Variants in ZNF721 observed in about 807,000 individuals in gnomAD.
ZNF721 encodes the protein zinc finger protein 721.
A neutral mutation model predicts 2.4 loss-of-function variants in ZNF721; 2 were observed. The ratio of observed to expected loss-of-function variants is 0.82; its 90% CI spans 0.34 to 2.58. The LOEUF (loss-of-function observed/expected upper bound fraction) is 2.58. Among genes scored for constraint, ZNF721 ranks in the 30% most tolerant of loss-of-function variants. The pLI, the probability that ZNF721 is intolerant of heterozygous loss-of-function variation, is 0.11. For missense variants in ZNF721, 1,187 were observed against 1,085.5 expected (o/e 1.09, Z -1.31); for synonymous variants, 398 against 381.8 (o/e 1.04, Z -0.50).
Position 441,642 on chromosome 4 carries a change from TTC to T in ZNF721, c.*51_*52del. On this transcript the variant is annotated 3_prime_UTR_variant, in exon 3 of 3. Coordinates refer to ENST00000511833, the MANE Select transcript of ZNF721 (RefSeq NM_133474.4). The stretch of plus-strand genomic sequence containing the variant: ...TCGTAAGACATTCCCCTGGTATGAG[TTC>T]TCTTATGTTTAAGAATGCTGTAGTA... The T allele has an allele frequency of 2.8e-6, 4 of 1,439,250 alleles. No individual in the cohort carries two copies. The highest frequency in any genetic ancestry group is 2.7e-5 in the South Asian group (2 of 73,048). 89.2% of individuals were successfully genotyped at this position (1,439,250 alleles called of 1,614,324 possible).
rs190956294 is a variant in ZNF721, at chr4:456,865, G to A, written c.35-12433C>T. 1.7e-3 allele frequency among the ~76,000 whole-genome samples: 254 copies of A among 152,188 alleles called. 1 individual carries two copies. The highest frequency in any genetic ancestry group is 5.7e-3 in the African/African-American group (237 of 41,534). ...CTGCACTCCTGCCTAGCAACAAAGC[G>A]AGACTCCATAATTAATAAATTAATA... On this transcript the variant is annotated intron_variant, in intron 2 of 2. Transcript: ENST00000511833.
At chr4:469,780 G>T (rs1166154335) in intron 2 of ZNF721, among the ~76,000 whole-genome samples, 1 of 152,116 alleles carries the variant, frequency 6.6e-6, no homozygotes, top group African/African-American at 2.4e-5. Context: ...TGCATACAAG[G>T]TCAACGAATT....
chr4:459,159 A>G (rs143646242), intron 2 of ZNF721, among the ~76,000 whole-genome samples: 244 of 152,346 alleles, frequency 1.6e-3, no homozygotes, highest in Non-Finnish European at 2.6e-3. Context: ...GGATGGACAT[A>G]TGAAAAAGAA....
intron 2 of ZNF721, among the ~76,000 whole-genome samples, chr4:464,568 G>A (rs1423330195): frequency 6.6e-6 from 1 of 151,802 alleles, no homozygotes; most frequent in Non-Finnish European, 1.5e-5. Flanking sequence ...TCTGTTAATG[G>A]TACATAATAA....
chr4:479,504 G>A (rs1270500652), intron 1 of ZNF721, among the ~76,000 whole-genome samples: 1 of 152,236 alleles, frequency 6.6e-6, no homozygotes, highest in Admixed American at 6.5e-5. Context: ...GTGGAGGCTG[G>A]AAGCAAAGCT....
intron 2 of ZNF721, among the ~76,000 whole-genome samples, chr4:458,761 G>A (rs537854200): frequency 1.1e-4 from 17 of 152,218 alleles, no homozygotes; most frequent in East Asian, 3.9e-4. Flanking sequence ...CAGGAAAATC[G>A]CTGGAACCCA....
At chr4:488,222 T>C (rs1227416206) in intron 1 of ZNF721, among the ~76,000 whole-genome samples, 4 of 152,166 alleles carry the variant, frequency 2.6e-5, no homozygotes, top group Non-Finnish European at 5.9e-5. Flanking sequence ...CCTTTGTGCT[T>C]TCTGTTCAAT....
rs549384435 is a variant in ZNF721 at position 444,015 on chromosome 4, T to G, written c.452A>C (p.Asp151Ala). 126 of 1,613,762 alleles carry G rather than the reference T, an allele frequency of 7.8e-5. 1 individual carries two copies. The South Asian group carries it at 1.3e-3, about 17-fold the overall frequency. Residue 151 changes from aspartate (D) to alanine (A), a missense_variant, in exon 3 of 3, where the codon GAC (aspartate) becomes GCC (alanine). Coordinates refer to ENST00000511833, the MANE Select transcript of ZNF721 (RefSeq NM_133474.4). ...ERGKDFGWYT[D>A]LNQHKKIHTG... ...ATGAATTTTCTTGTGTTGATTCAGG[T>G]CTGTGTACCATCCAAAGTCTTTGCC...
intron 1 of ZNF721, among the ~76,000 whole-genome samples, chr4:485,064 C>T (rs1553870076): frequency 6.6e-6 from 1 of 152,078 alleles, no homozygotes; most frequent in African/African-American, 2.4e-5. Context: ...AGAAAAGAAC[C>T]TATGTGAATA....
intron 1 of ZNF721, among the ~76,000 whole-genome samples, chr4:482,762 T>C (rs1553869735): frequency 6.6e-6 from 1 of 152,218 alleles, no homozygotes; most frequent in African/African-American, 2.4e-5. Flanking sequence ...CCCAAAGTGC[T>C]GGGATTACAG....
chr4:494,029 C>G (rs1560246869), intron 1 of ZNF721, among the ~76,000 whole-genome samples: 2 of 152,100 alleles, frequency 1.3e-5, no homozygotes, highest in Admixed American at 6.5e-5. Context: ...AAGCATTTGA[C>G]TAGTCTTTTC....
At chr4:469,997 C>T (rs375706834) in intron 2 of ZNF721, among the ~76,000 whole-genome samples, 1 of 152,166 alleles carries the variant, frequency 6.6e-6, no homozygotes, top group South Asian at 2.1e-4. Flanking sequence ...ATTCTCCTGC[C>T]TCAGCCTCCC....
chr4:463,969 TC>T (rs1379762333), intron 2 of ZNF721, among the ~76,000 whole-genome samples: 1 of 152,028 alleles, frequency 6.6e-6, no homozygotes, highest in East Asian at 1.9e-4. Flanking sequence ...AAAATAATTA[TC>T]TTAAAAAATC....
At chr4:485,358 C>A (rs1342835278) in intron 1 of ZNF721, among the ~76,000 whole-genome samples, 19 of 151,898 alleles carry the variant, frequency 1.3e-4, no homozygotes, top group Admixed American at 1.2e-3. Context: ...AAAGTCCTTC[C>A]TCCACAATAA....
chr4:488,114 G>A (rs1388640957), intron 1 of ZNF721, among the ~76,000 whole-genome samples: 1 of 152,200 alleles, frequency 6.6e-6, no homozygotes, highest in Admixed American at 6.5e-5. Context: ...ATTATAACCA[G>A]GTCCTTGGGC....
intron 2 of ZNF721, among the ~76,000 whole-genome samples, chr4:455,824 T>G (rs186508224): frequency 1.2e-3 from 189 of 152,270 alleles, no homozygotes; most frequent in African/African-American, 4.5e-3. Flanking sequence ...GTAAATGTAC[T>G]TAACCCCACT....
At chr4:466,323 A>C (rs1320933334) in intron 2 of ZNF721, among the ~76,000 whole-genome samples, 2 of 152,178 alleles carry the variant, frequency 1.3e-5, no homozygotes, top group Non-Finnish European at 2.9e-5. Flanking sequence ...AATGGGGGGA[A>C]ATCCTATATG....
chr4:445,516 G>T (rs1169270042), intron 2 of ZNF721, among the ~76,000 whole-genome samples: 1 of 151,912 alleles, frequency 6.6e-6, no homozygotes, highest in Non-Finnish European at 1.5e-5. Context: ...CAAAATATTA[G>T]AACACATTAT....
At chr4:489,844 T>C (rs1287876049) in intron 1 of ZNF721, among the ~76,000 whole-genome samples, 2 of 152,158 alleles carry the variant, frequency 1.3e-5, no homozygotes, top group African/African-American at 4.8e-5. Flanking sequence ...AACAATAATA[T>C]TTTGGGTTTT....
Sources: gnomAD v4.1 joint callset for allele counts (sites outside exome capture counted in the v4.1 genomes callset) on GRCh38, gnomAD v4.1.1 for gene constraint, MANE v1.5 for transcripts, NCBI Gene and HGNC (gene_info 2026-07-23, HGNC 2026-07-21) for gene names.